MYO18B: variants seen among roughly 807,000 people sequenced by gnomAD.
MYO18B encodes myosin XVIIIB, also known as unconventional myosin-XVIIIb.
Under a neutral mutation model 273.0 loss-of-function variants are expected in MYO18B, and 204 were observed. That is an observed-to-expected ratio of 0.75 (90% confidence interval 0.67 to 0.84). The LOEUF is 0.84. Ranked by LOEUF, MYO18B falls within the 40% of genes least tolerant of loss-of-function variation. MYO18B has a pLI of 0.00. For synonymous variants in MYO18B, 1,330 were observed against 1,305.7 expected (o/e 1.02, Z -0.40); for missense variants, 3,212 against 3,287.6 (o/e 0.98, Z 0.56).
chr22:25,823,813 G>T, intron 13 of MYO18B, 135 bp downstream of exon 13: 1 of 935,588 alleles, frequency 1.1e-6, no homozygotes, highest in Non-Finnish European at 1.6e-6. Context: ...TTAGATGCAG[G>T]GGAAGCCATC....
At position 25,768,162 on chromosome 22, in the gene MYO18B, C is replaced by T; in HGVS notation, c.246C>T (p.Gly82=). 6.2e-7 allele frequency: 1 copy of T among 1,611,716 alleles called. No homozygotes were observed. The highest frequency in any genetic ancestry group is 8.5e-7 in the Non-Finnish European group (1 of 1,178,822). Residue 82 remains glycine (G), a synonymous_variant, in exon 4 of 44, where the codon GGC becomes GGT. Coordinates refer to ENST00000335473, the MANE Select transcript of MYO18B (RefSeq NM_032608.7). ...AACCCAACAGCAAGTCCAGCAGTGG[C>T]ACCAGATCTGGAAGCCAGCAGATCT... ...ISQPNSKSSS[G]TRSGSQQISQ...
intron 28 of MYO18B, chr22:25,896,412 T>C (rs2091802194): frequency 6.6e-6 from 1 of 152,172 alleles, no homozygotes; most frequent in African/African-American, 2.4e-5. Context: ...CTCCTGTCTC[T>C]GTCTGGGCAT....
chr22:25,830,805 G>A (rs1385254347), intron 15 of MYO18B, among the ~76,000 whole-genome samples: 1 of 152,192 alleles, frequency 6.6e-6, no homozygotes. Flanking sequence ...GCACTGCAGT[G>A]TCACTCTGCA....
chr22:26,013,681 G>A (rs573024442), intron 42 of MYO18B, among the ~76,000 whole-genome samples: 3 of 152,236 alleles, frequency 2.0e-5, no homozygotes, highest in Non-Finnish European at 4.4e-5. Context: ...CCAACGCCTG[G>A]TTTTGTTATT....
At chr22:25,753,630 C>T (rs1601594193) in intron 1 of MYO18B, among the ~76,000 whole-genome samples, 1 of 152,160 alleles carries the variant, frequency 6.6e-6, no homozygotes, top group Admixed American at 6.5e-5. Flanking sequence ...TAACACTCAC[C>T]GCAAAAGTCT....
Position 26,027,298 on chromosome 22 carries a change from G to A in MYO18B, c.7324G>A (p.Asp2442Asn), listed in dbSNP as rs767440795. The A allele has an allele frequency of 1.2e-5, 19 of 1,613,884 alleles. No individual in the cohort carries two copies. The African/African-American group carries it at 2.1e-4, about 18-fold the overall frequency. Reference protein sequence around the residue: ...DYERKTKVDFDDFLPAIRKPQ... With the variant: ...DYERKTKVDFNDFLPAIRKPQ... ...CGAACGCAAGACCAAAGTGGACTTC[G>A]ATGACTTCCTCCCAGCTATCCGGAA... is the stretch of plus-strand genomic sequence containing the variant. The change falls in exon 43 of 44, where the codon GAT (aspartate) becomes AAT (asparagine). Residue 2442 changes from aspartate to asparagine, a missense_variant. Asp to Asn is a conservative substitution (Grantham distance 23). Transcript: ENST00000335473. The surrounding 1 kb of genome is among the most constrained non-coding windows in gnomAD (Gnocchi z 4.1).
intron 39 of MYO18B, among the ~76,000 whole-genome samples, chr22:25,960,506 C>A (rs546387273): frequency 1.3e-5 from 2 of 152,302 alleles, no homozygotes; most frequent in South Asian, 2.1e-4. Flanking sequence ...TTCCCCTGAT[C>A]CAGGTGTCCT....
chr22:26,061,247 C>G, the MYO18B span, among the ~76,000 whole-genome samples: 2 of 152,192 alleles, frequency 1.3e-5, no homozygotes, highest in East Asian at 3.9e-4. Context: ...CCTTCCATCC[C>G]CTGTATAACC....
At chr22:25,948,434 C>CTT (rs1569224880) in intron 36 of MYO18B, among the ~76,000 whole-genome samples, 14 of 111,876 alleles carry the variant, frequency 1.3e-4, no homozygotes, top group African/African-American at 4.2e-4. Context: ...TTCCTTCCTT[C>CTT]CTTCCTTCCT....
intron 21 of MYO18B, among the ~76,000 whole-genome samples, chr22:25,863,688 G>A (rs2090805710): frequency 1.3e-5 from 2 of 152,170 alleles, no homozygotes; most frequent in Admixed American, 1.3e-4. Context: ...GGATCTGTGT[G>A]GGGGTTGGGA....
chr22:25,769,946 G>T (rs56044507), intron 4 of MYO18B, 164 bp from the exon 5 acceptor site: 2 of 670,226 alleles, frequency 3.0e-6, no homozygotes, highest in South Asian at 1.8e-5. Context: ...TCCCGGGTCC[G>T]CAACGGGAAT....
chr22:26,023,164 C>T (rs113555305), intron 42 of MYO18B, among the ~76,000 whole-genome samples: 124 of 152,252 alleles, frequency 8.1e-4, no homozygotes, highest in African/African-American at 2.9e-3. Context: ...TTCTCTCCAT[C>T]TCATTTCAAC....
intron 20 of MYO18B, among the ~76,000 whole-genome samples, chr22:25,849,622 A>G (rs950625421): frequency 2.0e-5 from 3 of 152,120 alleles, no homozygotes; most frequent in Non-Finnish European, 4.4e-5. Flanking sequence ...CATTCATTCA[A>G]CATTACCTAT....
chr22:25,838,196 T>TATAC (rs2089965074), intron 17 of MYO18B, among the ~76,000 whole-genome samples: 2 of 151,494 alleles, frequency 1.3e-5, no homozygotes, highest in South Asian at 2.1e-4. Flanking sequence ...TAAATATATA[T>TATAC]ATACATACAT....
chr22:25,815,863 C>T (rs1235745121), intron 12 of MYO18B, among the ~76,000 whole-genome samples: 1 of 152,220 alleles, frequency 6.6e-6, no homozygotes, highest in Non-Finnish European at 1.5e-5. Context: ...AACACCTGCT[C>T]ATAGTCCCCA....
At chr22:25,752,351 C>G (rs1280020414) in intron 1 of MYO18B, among the ~76,000 whole-genome samples, 1 of 151,070 alleles carries the variant, frequency 6.6e-6, no homozygotes, top group Non-Finnish European at 1.5e-5. Context: ...CTACGCCCGG[C>G]TAATTTTTTG....
At chr22:25,997,166 T>G (rs1424715778) in intron 40 of MYO18B, among the ~76,000 whole-genome samples, 1 of 151,572 alleles carries the variant, frequency 6.6e-6, no homozygotes, top group African/African-American at 2.4e-5. Flanking sequence ...CTACCCAAAA[T>G]ACAAAAATTA....
chr22:25,763,212 C>G lies in MYO18B; in HGVS notation c.40-19C>G. 1.9e-6 allele frequency: 3 copies of G among 1,608,800 alleles called. No homozygotes were observed. The highest frequency in any genetic ancestry group is 1.7e-6 in the Non-Finnish European group (2 of 1,176,234). ...GGTTGACTCACTGAGCTCTCTCTTT[C>G]CTTGCTTCTGCAAAACAGATTCGGG... On this transcript the variant is annotated intron_variant, in intron 2 of 43. Transcript: ENST00000335473.
chr22:25,890,430 C>G (rs556120124), intron 25 of MYO18B, among the ~76,000 whole-genome samples: 1 of 152,188 alleles, frequency 6.6e-6, no homozygotes, highest in Non-Finnish European at 1.5e-5. Flanking sequence ...GCACTTACTA[C>G]GTGCCAGGCA....
Sources: allele counts gnomAD v4.1 joint callset (sites outside exome capture counted in the v4.1 genomes callset), GRCh38; gene constraint gnomAD v4.1.1; non-coding constraint Gnocchi (gnomAD v3.1); transcripts MANE v1.5; gene names NCBI Gene and HGNC (gene_info 2026-07-23, HGNC 2026-07-21).